Variants in GOLGA3 observed in about 807,000 individuals in gnomAD.
GOLGA3 encodes golgin subfamily A member 3.
A neutral mutation model predicts 169.4 loss-of-function variants in GOLGA3; 75 were observed. The observed-to-expected ratio is 0.44, with a 90% CI of 0.37 to 0.54. The LOEUF (loss-of-function observed/expected upper bound fraction) is 0.54. Ranked by LOEUF, GOLGA3 falls within the 20% of genes least tolerant of loss-of-function variation. GOLGA3 has a pLI of 0.00. For synonymous variants in GOLGA3, 824 were observed against 822.4 expected, an observed-to-expected ratio of 1.00 and a Z score of -0.03; for missense variants, 1,899 against 1,930.0, an observed-to-expected ratio of 0.98 and a Z score of 0.30.
intron 16 of GOLGA3, among the ~76,000 whole-genome samples, chr12:132,782,905 AAAAG>A: frequency 6.6e-6 from 1 of 151,582 alleles, no homozygotes; most frequent in Non-Finnish European, 1.5e-5. Flanking sequence ...AAAAGAAAAG[AAAAG>A]AAACATCGAA....
In GOLGA3 at chr12:132,807,935, C is replaced by G; in HGVS notation, c.1134G>C (p.Glu378Asp). The G allele has an allele frequency of 1.2e-6, 2 of 1,612,992 alleles. No homozygotes were observed. The highest frequency in any genetic ancestry group is 1.7e-6 in the Non-Finnish European group (2 of 1,179,754). Residue 378 changes from glutamate (E) to aspartate (D), a missense_variant, in exon 5 of 24, where the codon GAG becomes GAC. Physicochemically the swap from Glu to Asp is conservative, Grantham distance 45. Transcript: ENST00000450791. ...TCCGACTCCGCACCTCCCCGTTGAC[C>G]TCCTGCCCCTGGTCTTGGTGCTCAG... ...AAAEHQDQGQ[E>D]VNGEVRSRRD...
intron 23 of GOLGA3, 83 bp from the exon 24 acceptor site, chr12:132,773,377 A>C: frequency 1.1e-6 from 1 of 887,482 alleles, no homozygotes; most frequent in Non-Finnish European, 1.6e-6. Flanking sequence ...GTCACTCGCT[A>C]GCACCTGAGT....
Position 132,791,255 on chromosome 12 carries a change from C to G in GOLGA3, c.2508G>C (p.Lys836Asn). Residue 836 changes from lysine (K) to asparagine (N), a missense_variant, in exon 12 of 24, where the codon AAG becomes AAC. Transcript: ENST00000450791. ...HLQQETAALK[K>N]QMQKIKEQFL... ...ACTGTTCCTTTATTTTTTGCATTTG[C>G]TTTTTCAGAGCAGCAGTCTCCTGCT... is the stretch of plus-strand genomic sequence containing the variant. The G allele has an allele frequency of 6.2e-7, 1 of 1,609,124 alleles. No homozygotes were observed. Among genetic ancestry groups the G allele is most frequent in the Non-Finnish European group, 8.5e-7 (1 of 1,176,626 alleles).
chr12:132,775,416 T>C (rs1459171762), intron 21 of GOLGA3, 111 bp from the exon 22 acceptor site: 2 of 919,710 alleles, frequency 2.2e-6, no homozygotes, highest in African/African-American at 3.3e-5. Flanking sequence ...CTCGGCGCCA[T>C]CTAGATGATG....
chr12:132,780,954 G>A (rs200482905), intron 17 of GOLGA3, 40 bp from the exon 18 acceptor site: 243 of 1,464,676 alleles, frequency 1.7e-4, no homozygotes, highest in Non-Finnish European at 2.0e-4. Context: ...GAAGGACGTC[G>A]AATTACAAAC....
chr12:132,782,419 T>A lies in GOLGA3; in HGVS notation c.3342A>T (p.Leu1114Phe). ...EESNKKLALE[L>F]EHEKGKLTGL... ...CCGTAAGCTTCCCTTTCTCGTGCTC[T>A]AATTCAAGAGCCAACTTCTTGTTTG... The change falls in exon 17 of 24, where the codon TTA becomes TTT. Residue 1114 changes from leucine to phenylalanine, a missense_variant. Coordinates refer to ENST00000450791, the MANE Select transcript of GOLGA3 (RefSeq NM_001389683.1). 2 of 1,614,142 alleles carry A rather than the reference T, an allele frequency of 1.2e-6. No individual in the cohort carries two copies. Among genetic ancestry groups the A allele is most frequent in the South Asian group, 2.2e-5 (2 of 91,090 alleles).
At position 132,821,840 on chromosome 12, in the gene GOLGA3, C is replaced by T. The variant is rs866420448; in HGVS notation, c.133+156G>A. 1.0e-3 allele frequency among the ~76,000 whole-genome samples: 122 copies of T among 117,790 alleles called. 4 individuals carry two copies. The highest frequency in any genetic ancestry group is 9.2e-4 in the African/African-American group (30 of 32,682). The allele number at this position is 117,790 out of a possible 152,430, so 77.3% of individuals were successfully genotyped here. A position where few individuals can be genotyped will look rare whatever the true frequency, so the allele number is the denominator to read the frequency against. ...CTGCAGTCCAGCCTGGGCGAAAGAG[C>T]GAGACTCCGTCTCAAAAAAAAAAAA... On this transcript the variant is annotated intron_variant, in intron 2 of 23. Coordinates refer to ENST00000450791, the MANE Select transcript of GOLGA3 (RefSeq NM_001389683.1).
At chr12:132,817,479 G>A (rs111953250) in intron 2 of GOLGA3, among the ~76,000 whole-genome samples, 19 of 31,514 alleles carry the variant, frequency 6.0e-4, no homozygotes, top group Non-Finnish European at 7.4e-4. Flanking sequence ...AGGTGAACCC[G>A]CCCTCCACTC....
At chr12:132,811,793 G>A in intron 4 of GOLGA3, 9 of 893,828 alleles carry the variant, frequency 1.0e-5, no homozygotes, top group Non-Finnish European at 1.2e-5. Context: ...TAACCTTAAA[G>A]GTATAAGAAG....
At chr12:132,783,251 G>A (rs1022858068) in intron 16 of GOLGA3, among the ~76,000 whole-genome samples, 1 of 83,756 alleles carries the variant, frequency 1.2e-5, no homozygotes, top group Non-Finnish European at 2.7e-5. Context: ...CCACAGGACC[G>A]TGCTTGCTTC....
At chr12:132,817,215 G>C (rs61952771) in intron 2 of GOLGA3, among the ~76,000 whole-genome samples, 128 of 4,592 alleles carry the variant, frequency 0.028, 1 homozygote, top group East Asian at 0.12. Context: ...AGGTGAACCC[G>C]CCCTCCACAC....
intron 11 of GOLGA3, 70 bp downstream of exon 11, chr12:132,795,782 A>C: frequency 2.8e-6 from 4 of 1,452,008 alleles, no homozygotes; most frequent in Non-Finnish European, 1.9e-6. Context: ...AGAAAGAAAG[A>C]AGCAAATAAT....
At chr12:132,820,548 C>T (rs1056026760) in intron 2 of GOLGA3, among the ~76,000 whole-genome samples, 1 of 152,136 alleles carries the variant, frequency 6.6e-6, no homozygotes, top group African/African-American at 2.4e-5. Flanking sequence ...CCATCCTAAG[C>T]GCCTGAGTAT....
In GOLGA3 at chr12:132,786,379, C is replaced by T. The variant is rs1216541186; in HGVS notation, c.3083G>A (p.Arg1028Gln). 10 of 1,609,562 alleles carry T rather than the reference C, an allele frequency of 6.2e-6. No individual in the cohort carries two copies. In the East Asian group the frequency reaches 8.9e-5, roughly 14 times the overall value. ...EAADAELGQL[R>Q]AQGGSSDSSL... ...GCTGTCACTGCTGCCACCCTGGGCT[C>T]GGAGCTGGCCCAGCTCCGCGTCCGC... The change falls in exon 15 of 24, where the codon CGA (arginine) becomes CAA (glutamine). Residue 1028 changes from arginine to glutamine, a missense_variant. By Grantham distance (43) the Arg-to-Gln change is conservative. Transcript: ENST00000450791.
intron 22 of GOLGA3, 31 bp downstream of exon 22, chr12:132,775,110 G>C (rs1448165499): frequency 6.3e-7 from 1 of 1,597,190 alleles, no homozygotes; most frequent in East Asian, 2.2e-5. Flanking sequence ...GCGCACGTCG[G>C]CTACCCCGGG....
At chr12:132,787,561 CCTT>C (rs2045964764) in intron 13 of GOLGA3, among the ~76,000 whole-genome samples, 1 of 132,184 alleles carries the variant, frequency 7.6e-6, no homozygotes, top group Non-Finnish European at 1.7e-5. Context: ...CCCCCAGGAC[CCTT>C]CCTGAGACCC....
chr12:132,788,961 C>CGCCCCAGACACAGGCCCA, intron 13 of GOLGA3, 66 bp downstream of exon 13: 2 of 1,462,276 alleles, frequency 1.4e-6, no homozygotes, highest in South Asian at 1.3e-5. Flanking sequence ...ACACAGGCCC[C>CGCCCCAGACACAGGCCCA]ACCCTCCCGA....
At position 132,828,783 on chromosome 12, in the gene GOLGA3, G is replaced by C. The variant is rs547867864; in HGVS notation, c.-184+20C>G. On this transcript the variant is annotated intron_variant, in intron 1 of 23. Coordinates refer to ENST00000450791, the MANE Select transcript of GOLGA3 (RefSeq NM_001389683.1). ...GCGGGAGCCCGAGCCCCGAGGCGCC[G>C]CGGCCTCCGAGCCCCTCACCCTGCT... 2.5e-3 allele frequency: 361 copies of C among 145,294 alleles called. 1 individual carries two copies. The highest frequency in any genetic ancestry group is 3.7e-3 in the Non-Finnish European group (255 of 68,080). The allele number at this position is 145,294 out of a possible 1,614,324, so 9.0% of individuals were successfully genotyped here.
At chr12:132,796,462 G>T (rs545454263) in intron 10 of GOLGA3, 77 bp downstream of exon 10, 1,355 of 1,465,938 alleles carry the variant, frequency 9.2e-4, no homozygotes, top group Non-Finnish European at 1.1e-3. Context: ...AGGACTGCTC[G>T]GTCTCCTTGT....
Sources: gnomAD v4.1 joint callset for allele counts (sites outside exome capture counted in the v4.1 genomes callset) on GRCh38, gnomAD v4.1.1 for gene constraint, MANE v1.5 for transcripts, NCBI Gene and HGNC (gene_info 2026-07-23, HGNC 2026-07-21) for gene names.